The following XIRP2 variants were observed in gnomAD, a reference collection of about 807,000 sequenced individuals.
The protein encoded by XIRP2 is xin actin-binding repeat-containing protein 2.
A neutral mutation model predicts 277.0 loss-of-function variants in XIRP2; 236 were observed. That is an observed-to-expected ratio of 0.85 (90% confidence interval 0.77 to 0.95). XIRP2 has a LOEUF of 0.95. Ranked by LOEUF, XIRP2 falls within the 40% of genes least tolerant of loss-of-function variation. XIRP2 has a pLI of 0.00. For synonymous variants in XIRP2, 1,490 were observed against 1,416.5 expected, an observed-to-expected ratio of 1.05 and a Z score of -1.17; for missense variants, 4,640 against 4,157.5, an observed-to-expected ratio of 1.12 and a Z score of -3.19.
At chr2:167,221,870 TAAAA>T (rs1230619870) in intron 5 of XIRP2, among the ~76,000 whole-genome samples, 1 of 152,214 alleles carries the variant, frequency 6.6e-6, no homozygotes, top group Non-Finnish European at 1.5e-5. Context: ...TAATTAGAGT[TAAAA>T]GAAAGAACAT....
chr2:166,969,159 AATATTGAAT>A (rs746693262), intron 2 of XIRP2, among the ~76,000 whole-genome samples: 1 of 151,994 alleles, frequency 6.6e-6, no homozygotes, highest in Non-Finnish European at 1.5e-5. Flanking sequence ...GAGTGAAAAA[AATATTGAAT>A]ATAAGTCTTG....
chr2:167,227,229 A>T (rs1694629318), intron 5 of XIRP2, among the ~76,000 whole-genome samples: 1 of 152,152 alleles, frequency 6.6e-6, no homozygotes, highest in Non-Finnish European at 1.5e-5. Context: ...GCAGTCAAAA[A>T]ATAGAATAGG....
At chr2:167,215,583 A>G (rs768681299) in intron 4 of XIRP2, among the ~76,000 whole-genome samples, 4 of 152,140 alleles carry the variant, frequency 2.6e-5, no homozygotes, top group Non-Finnish European at 5.9e-5. Context: ...TCCCCAGTCC[A>G]TGGTATAGAA....
chr2:167,157,444 T>A (rs937949443), intron 3 of XIRP2, among the ~76,000 whole-genome samples: 4 of 152,148 alleles, frequency 2.6e-5, no homozygotes, highest in East Asian at 1.9e-4. Flanking sequence ...TTTATACAGA[T>A]GTTTTTCTTT....
At position 167,250,244 on chromosome 2, in the gene XIRP2, G is replaced by A. The variant is rs748017587; in HGVS notation, c.8852G>A (p.Arg2951His). Residue 2951 changes from arginine to histidine, a missense_variant, in exon 9 of 11, where the codon CGT becomes CAT. Transcript: ENST00000409195. Reference protein sequence around the residue: ...ALNIVEFLRKREELQQILSRV... With the variant: ...ALNIVEFLRKHEELQQILSRV... ...AATATAGTGGAATTCTTGAGAAAAC[G>A]TGAAGAACTGCAACAGATTTTGTCG... 4.3e-6 allele frequency: 7 copies of A among 1,613,210 alleles called. No individual in the cohort carries two copies. Among genetic ancestry groups the A allele is most frequent in the Non-Finnish European group, 5.1e-6 (6 of 1,179,634 alleles).
intron 2 of XIRP2, among the ~76,000 whole-genome samples, chr2:166,909,002 C>T (rs553061575): frequency 5.3e-4 from 80 of 152,256 alleles, no homozygotes; most frequent in African/African-American, 1.7e-3. Flanking sequence ...CAGTACCATG[C>T]TGTTTTGGTT....
chr2:166,973,857 T>C (rs1458153319), intron 2 of XIRP2, among the ~76,000 whole-genome samples: 1 of 152,226 alleles, frequency 6.6e-6, no homozygotes, highest in Non-Finnish European at 1.5e-5. Context: ...ATGATTCCAT[T>C]AATTTTCCAT....
chr2:167,186,216 C>T (rs1040691718), intron 3 of XIRP2, among the ~76,000 whole-genome samples: 6 of 152,042 alleles, frequency 3.9e-5, no homozygotes, highest in Non-Finnish European at 7.4e-5. Context: ...GGCTCCTGGC[C>T]CTGAACACTC....
rs771071061 is a variant in XIRP2, at chr2:167,241,853, C to G, written c.1119C>G (p.Ala373=). The change falls in exon 8 of 11, where the codon GCC becomes GCG. Residue 373 remains alanine (A), a synonymous_variant. Transcript: ENST00000409195. ...TAAAAGAGCAGTTTGAAAAGTCTGCCCAGGAAAAGATCCTTTATTCTGACA... is the reference window on the plus strand; with the variant it reads ...TAAAAGAGCAGTTTGAAAAGTCTGCGCAGGAAAAGATCCTTTATTCTGACA... The part of the protein sequence containing the change: ...KLLKEQFEKS[A]QEKILYSDKE... 5.0e-6 allele frequency: 8 copies of G among 1,613,386 alleles called. No homozygotes were observed. The South Asian group carries it at 7.7e-5, about 16-fold the overall frequency.
chr2:166,996,259 A>C (rs1285517774), intron 2 of XIRP2, among the ~76,000 whole-genome samples: 1 of 152,202 alleles, frequency 6.6e-6, no homozygotes, highest in Non-Finnish European at 1.5e-5. Flanking sequence ...GGTGAAACGT[A>C]AAACAAGCCC....
intron 2 of XIRP2, among the ~76,000 whole-genome samples, chr2:167,042,739 G>T (rs1167860557): frequency 6.6e-6 from 1 of 152,134 alleles, no homozygotes; most frequent in African/African-American, 2.4e-5. Flanking sequence ...AAGAGAGTTA[G>T]ATAAACATAC....
chr2:167,229,877 G>A (rs997714772), intron 5 of XIRP2, among the ~76,000 whole-genome samples: 4 of 152,044 alleles, frequency 2.6e-5, no homozygotes, highest in African/African-American at 9.7e-5. Flanking sequence ...ACAGAATAAG[G>A]AATAAGGTTA....
chr2:167,250,750 T>C lies in XIRP2; in HGVS notation c.9358T>C (p.Ser3120Pro). 6.2e-7 allele frequency: 1 copy of C among 1,613,200 alleles called. No individual in the cohort carries two copies. The highest frequency in any genetic ancestry group is 1.7e-4 in the Middle Eastern group (1 of 6,058). Reference sequence around the variant, plus strand: ...TCCCTCTTTAAAAACACGCCCACCGTCACCAACTTTTATCACAATAGAATC... The same window carrying C: ...TCCCTCTTTAAAAACACGCCCACCGCCACCAACTTTTATCACAATAGAATC... ...PPPSLKTRPP[S>P]PTFITIESTA... Residue 3120 changes from serine (S) to proline (P), a missense_variant, in exon 9 of 11, where the codon TCA (serine) becomes CCA (proline). By Grantham distance (74) the Ser-to-Pro change is moderately conservative. Transcript: ENST00000409195.
Position 167,250,237 on chromosome 2 carries a change from A to C in XIRP2, c.8845A>C (p.Arg2949=). 2 of 1,613,344 alleles carry C rather than the reference A, an allele frequency of 1.2e-6. No homozygotes were observed. Among genetic ancestry groups the C allele is most frequent in the South Asian group, 2.2e-5 (2 of 90,940 alleles). ...KGALNIVEFL[R]KREELQQILS... is the part of the protein sequence containing the mutation. The stretch of plus-strand genomic sequence containing the variant: ...TGCCTTAAATATAGTGGAATTCTTG[A>C]GAAAACGTGAAGAACTGCAACAGAT... Residue 2949 remains arginine (R), a synonymous_variant, in exon 9 of 11, where the codon AGA becomes CGA. Coordinates refer to ENST00000409195, the MANE Select transcript of XIRP2 (RefSeq NM_152381.6).
intron 3 of XIRP2, among the ~76,000 whole-genome samples, chr2:167,205,332 TTA>T (rs895438307): frequency 2.0e-5 from 3 of 152,214 alleles, no homozygotes; most frequent in African/African-American, 7.2e-5. Context: ...ACCTTATCAA[TTA>T]TATGATTACT....
chr2:166,971,667 ACT>A (rs1031883761), intron 2 of XIRP2, among the ~76,000 whole-genome samples: 11 of 152,142 alleles, frequency 7.2e-5, no homozygotes, highest in Non-Finnish European at 1.2e-4. Flanking sequence ...TTGCAAAGTC[ACT>A]CTACAAAATC....
intron 2 of XIRP2, among the ~76,000 whole-genome samples, chr2:167,050,627 A>G (rs1688891086): frequency 6.6e-6 from 1 of 152,020 alleles, no homozygotes; most frequent in South Asian, 2.1e-4. Context: ...ATTTCACCCC[A>G]GAGTGAGGGA....
Position 167,248,320 on chromosome 2 carries a change from C to T in XIRP2, c.6928C>T (p.Leu2310Phe), listed in dbSNP as rs767982721. 59 of 1,613,670 alleles carry T rather than the reference C, an allele frequency of 3.7e-5. No homozygotes were observed. The highest frequency in any genetic ancestry group is 4.7e-5 in the Non-Finnish European group (56 of 1,179,860). Reference sequence around the variant, plus strand: ...TGCATCATCTGAAATTGAATTTCCTCTTCCTCCTCCACCTCCTTTGATGAT... The same window carrying T: ...TGCATCATCTGAAATTGAATTTCCTTTTCCTCCTCCACCTCCTTTGATGAT... ...SNASSEIEFP[L>F]PPPPPLMMFP... The change falls in exon 9 of 11, where the codon CTT (leucine) becomes TTT (phenylalanine). Residue 2310 changes from leucine (L) to phenylalanine (F), a missense_variant. Coordinates refer to ENST00000409195, the MANE Select transcript of XIRP2 (RefSeq NM_152381.6).
At chr2:167,016,999 G>A (rs1687844969) in intron 2 of XIRP2, among the ~76,000 whole-genome samples, 1 of 151,958 alleles carries the variant, frequency 6.6e-6, no homozygotes, top group South Asian at 2.1e-4. Flanking sequence ...TAGCAGCTTG[G>A]TCTGGGTGTC....
Sources: gnomAD v4.1 joint callset for allele counts (sites outside exome capture counted in the v4.1 genomes callset) on GRCh38, gnomAD v4.1.1 for gene constraint, MANE v1.5 for transcripts, NCBI Gene and HGNC (gene_info 2026-07-23, HGNC 2026-07-21) for gene names.